Variants in SUPT3H observed in about 807,000 individuals in gnomAD.
SUPT3H encodes SPT3 homolog, SAGA and STAGA complex component, also known as transcription initiation protein SPT3 homolog.
Under a neutral mutation model 44.3 loss-of-function variants are expected in SUPT3H, and 44 were observed. That is an observed-to-expected ratio of 0.99 (90% CI 0.78 to 1.28). The LOEUF is 1.28. Ranked by LOEUF, SUPT3H falls within the 50% of genes most tolerant of loss-of-function variation. SUPT3H has a pLI of 0.00. For missense variants in SUPT3H, 380 were observed against 387.1 expected (o/e 0.98, Z 0.15); for synonymous variants, 124 against 125.6 (o/e 0.99, Z 0.09).
At chr6:44,933,241 A>G (rs1770877150) in intron 9 of SUPT3H, among the ~76,000 whole-genome samples, 1 of 152,206 alleles carries the variant, frequency 6.6e-6, no homozygotes, top group Non-Finnish European at 1.5e-5. Context: ...TGGGATTGTC[A>G]TAAGACCATT....
intron 9 of SUPT3H, among the ~76,000 whole-genome samples, chr6:44,948,102 A>G (rs1296608269): frequency 6.6e-6 from 1 of 152,180 alleles, no homozygotes; most frequent in African/African-American, 2.4e-5. Flanking sequence ...CAAAGATCAG[A>G]TGGTTGTGGA....
chr6:45,376,367 G>GC (rs1796774473), intron 1 of SUPT3H, among the ~76,000 whole-genome samples: 1 of 152,156 alleles, frequency 6.6e-6, no homozygotes, highest in African/African-American at 2.4e-5. Flanking sequence ...CTAAATTGTA[G>GC]CCCTGTGCTG....
At chr6:44,845,801 C>T (rs916054030) in intron 10 of SUPT3H, among the ~76,000 whole-genome samples, 1 of 152,196 alleles carries the variant, frequency 6.6e-6, no homozygotes, top group Non-Finnish European at 1.5e-5. Context: ...TTCTGGCTCC[C>T]CTATCTGCTG....
At chr6:44,893,347 A>C (rs1363867974) in intron 10 of SUPT3H, among the ~76,000 whole-genome samples, 4 of 152,142 alleles carry the variant, frequency 2.6e-5, no homozygotes, top group Non-Finnish European at 1.5e-5. Flanking sequence ...ATCTAGCATT[A>C]GCTATATCTC....
At chr6:44,890,420 T>C (rs1763084978) in intron 10 of SUPT3H, among the ~76,000 whole-genome samples, 1 of 151,992 alleles carries the variant, frequency 6.6e-6, no homozygotes, top group South Asian at 2.1e-4. Context: ...CATGGAATAC[T>C]GTGCAGCCAT....
At chr6:44,920,733 TAA>T (rs1441560174) in intron 10 of SUPT3H, among the ~76,000 whole-genome samples, 5 of 152,158 alleles carry the variant, frequency 3.3e-5, no homozygotes, top group Non-Finnish European at 7.3e-5. Flanking sequence ...GGCTCGCAAT[TAA>T]AAGTCCTTCT....
chr6:45,292,398 A>G (rs1486490459), intron 2 of SUPT3H, among the ~76,000 whole-genome samples: 1 of 152,104 alleles, frequency 6.6e-6, no homozygotes, highest in African/African-American at 2.4e-5. Context: ...ACAAAAACAA[A>G]AATACAATTT....
intron 6 of SUPT3H, among the ~76,000 whole-genome samples, chr6:44,966,025 A>G (rs1776727046): frequency 6.6e-6 from 1 of 152,192 alleles, no homozygotes. Flanking sequence ...ACTGTAATCC[A>G]ATTTTACAAA....
intron 10 of SUPT3H, among the ~76,000 whole-genome samples, chr6:44,838,968 C>A (rs1770438252): frequency 6.6e-6 from 1 of 152,146 alleles, no homozygotes; most frequent in Non-Finnish European, 1.5e-5. Flanking sequence ...TATGCCTTAA[C>A]CATTCTGAAA....
At chr6:44,869,946 C>T (rs1018315940) in intron 10 of SUPT3H, among the ~76,000 whole-genome samples, 1 of 152,168 alleles carries the variant, frequency 6.6e-6, no homozygotes, top group African/African-American at 2.4e-5. Flanking sequence ...ATTTCCCTGC[C>T]TCTAAATTTA....
chr6:44,982,182 T>TTTTGTTTG (rs66595702), intron 6 of SUPT3H, among the ~76,000 whole-genome samples: 2 of 151,588 alleles, frequency 1.3e-5, no homozygotes, highest in Admixed American at 1.3e-4. Flanking sequence ...CAATGATTCT[T>TTTTGTTTG]TTTGTTTGTT....
At chr6:45,342,872 G>A (rs1189881372) in intron 2 of SUPT3H, among the ~76,000 whole-genome samples, 2 of 152,068 alleles carry the variant, frequency 1.3e-5, no homozygotes, top group Non-Finnish European at 2.9e-5. Flanking sequence ...TTTGTAAATC[G>A]AAAAAGTATT....
downstream of SUPT3H, among the ~76,000 whole-genome samples, chr6:44,824,353 G>T (rs568622653): frequency 2.6e-5 from 4 of 152,174 alleles, no homozygotes; most frequent in Non-Finnish European, 5.9e-5. Flanking sequence ...GTAGCTGGAA[G>T]ACACACTTAA....
chr6:44,997,255 T>A (rs571521225), intron 6 of SUPT3H, among the ~76,000 whole-genome samples: 1 of 151,968 alleles, frequency 6.6e-6, no homozygotes, highest in African/African-American at 2.4e-5. Flanking sequence ...TACATTAATG[T>A]GGAAACAACT....
At chr6:45,067,508 C>A (rs1463354442) in intron 3 of SUPT3H, among the ~76,000 whole-genome samples, 1 of 150,396 alleles carries the variant, frequency 6.6e-6, no homozygotes, top group East Asian at 2.0e-4. Context: ...AAAGAAACTA[C>A]CATCAGAGTG....
chr6:45,282,107 C>T (rs1045614125), intron 2 of SUPT3H, among the ~76,000 whole-genome samples: 2 of 151,990 alleles, frequency 1.3e-5, no homozygotes, highest in Middle Eastern at 3.2e-3. Context: ...TCATCAAAGA[C>T]CAAAGGTAGA....
At chr6:45,188,708 A>C (rs908894755) in intron 2 of SUPT3H, among the ~76,000 whole-genome samples, 18 of 152,108 alleles carry the variant, frequency 1.2e-4, no homozygotes, top group Non-Finnish European at 1.6e-4. Context: ...CTGAAAAATC[A>C]TTCAACATAA....
chr6:45,079,472 A>G (rs1271713670), intron 3 of SUPT3H, among the ~76,000 whole-genome samples: 1 of 150,664 alleles, frequency 6.6e-6, no homozygotes, highest in African/African-American at 2.5e-5. Context: ...GAAGAAGGGG[A>G]AAGGAGGAGG....
At chr6:45,112,439 AT>A (rs1380247297) in intron 2 of SUPT3H, among the ~76,000 whole-genome samples, 1 of 152,154 alleles carries the variant, frequency 6.6e-6, no homozygotes, top group African/African-American at 2.4e-5. Flanking sequence ...TGAACATATT[AT>A]CACGGAATTT....
Sources: gnomAD v4.1 joint callset for allele counts (sites outside exome capture counted in the v4.1 genomes callset) on GRCh38, gnomAD v4.1.1 for gene constraint, MANE v1.5 for transcripts, NCBI Gene and HGNC (gene_info 2026-07-23, HGNC 2026-07-21) for gene names.